Variants in RPS15A observed in about 807,000 individuals in gnomAD.
RPS15A encodes ribosomal protein S15a, also known as small ribosomal subunit protein uS8.
For missense variants in RPS15A, 62 were observed against 163.4 expected, an observed-to-expected ratio of 0.38 and a Z score of 3.38; for synonymous variants, 55 against 58.5, an observed-to-expected ratio of 0.94 and a Z score of 0.27.
At chr16:18,788,808 C>CT (rs2029953375) in intron 2 of RPS15A, 173 bp downstream of exon 2, 14 of 646,342 alleles carry the variant, frequency 2.2e-5, no homozygotes, top group South Asian at 1.2e-4. Context: ...CAGTCCTACT[C>CT]TAAGTGACTC....
rs568645996 is a variant in RPS15A, at chr16:18,784,891, A to C, written c.214-68T>G. ...AATAACAGAAAAACTGAGTAACACA[A>C]GATGACATTCATAAATAAACAGTCC... is the stretch of plus-strand genomic sequence containing the variant. On this transcript the variant is annotated intron_variant, in intron 3 of 4. Transcript: ENST00000322989. 26 of 1,267,390 alleles carry C rather than the reference A, an allele frequency of 2.1e-5. No individual in the cohort carries two copies. In the East Asian group the frequency reaches 5.6e-4, roughly 28 times the overall value. The allele number at this position is 1,267,390 out of a possible 1,614,324, so 78.5% of individuals were successfully genotyped here.
At chr16:18,784,569 G>A (rs1014945467) in intron 4 of RPS15A, 169 bp downstream of exon 4, 7 of 585,232 alleles carry the variant, frequency 1.2e-5, no homozygotes. Flanking sequence ...TTTAAAGAGA[G>A]AGAAAAGAAA....
intron 1 of RPS15A, 26 bp downstream of exon 1, chr16:18,790,193 ATCCTCGGCCAAGGTGGGGACCAGCC>A (rs1282116117): frequency 6.6e-6 from 1 of 152,506 alleles, no homozygotes; most frequent in Non-Finnish European, 1.5e-5. Context: ...CAAGGCCAGG[ATCCTCGGCCAAGGTGGGGACCAGCC>A]TCCTCGCAGG....
At chr16:18,789,618 TA>T (rs2029980956) in intron 1 of RPS15A, among the ~76,000 whole-genome samples, 1 of 152,204 alleles carries the variant, frequency 6.6e-6, no homozygotes, top group Non-Finnish European at 1.5e-5. Flanking sequence ...TGAACACATC[TA>T]ACTATTAAAC....
intron 2 of RPS15A, 48 bp from the exon 3 acceptor site, chr16:18,788,190 G>C (rs752717265): frequency 8.4e-7 from 1 of 1,186,624 alleles, no homozygotes. Context: ...CAACTTGAGA[G>C]CTAAACCTCT....
At chr16:18,784,406 C>A in intron 4 of RPS15A, 1 of 196,942 alleles carries the variant, frequency 5.1e-6, no homozygotes, top group Non-Finnish European at 1.0e-5. Context: ...TGCCACCAGG[C>A]CTGGCTAATT....
chr16:18,783,957 C>T, intron 4 of RPS15A: 1 of 285,586 alleles, frequency 3.5e-6, no homozygotes, highest in Non-Finnish European at 7.0e-6. Context: ...GATTCTGGCC[C>T]TCATCTGGGA....
rs749791519 is a variant in RPS15A at position 18,788,964 on chromosome 16, A to T, written c.133+17T>A. On this transcript the variant is annotated intron_variant, in intron 2 of 4. Transcript: ENST00000322989. The stretch of plus-strand genomic sequence containing the variant: ...AGTCTCACATGAAAACATAAAACAC[A>T]GCGGCAGCAGACTTACCATGCTTCA... The T allele has an allele frequency of 6.2e-7, 1 of 1,605,466 alleles. No individual in the cohort carries two copies. The highest frequency in any genetic ancestry group is 8.5e-7 in the Non-Finnish European group (1 of 1,176,996).
At chr16:18,783,861 C>T in intron 4 of RPS15A, 2 of 367,924 alleles carry the variant, frequency 5.4e-6, no homozygotes, top group South Asian at 4.1e-5. Flanking sequence ...GGCTTTAAAG[C>T]AGAAAAACAA....
chr16:18,783,804 CT>C (rs1904002781), intron 4 of RPS15A: 1 of 424,978 alleles, frequency 2.4e-6, no homozygotes. Context: ...ACTATTACCA[CT>C]TTTACGGATG....
intron 1 of RPS15A, 61 bp from the exon 2 acceptor site, chr16:18,789,179 C>T (rs2029969065): frequency 1.3e-6 from 2 of 1,499,496 alleles, no homozygotes; most frequent in African/African-American, 1.4e-5. Context: ...CAGACACCAA[C>T]CATTACACTG....
At chr16:18,788,812 G>C in intron 2 of RPS15A, 169 bp downstream of exon 2, 1 of 655,644 alleles carries the variant, frequency 1.5e-6, no homozygotes. Flanking sequence ...CCTACTCTAA[G>C]TGACTCTTCA....
At chr16:18,786,217 T>A in intron 3 of RPS15A, 1 of 218,636 alleles carries the variant, frequency 4.6e-6, no homozygotes, top group Non-Finnish European at 9.5e-6. Flanking sequence ...ATACAAAAAT[T>A]AGCCGGGCAT....
chr16:18,782,880 C>T lies in RPS15A; in HGVS notation c.*129G>A. On this transcript the variant is annotated 3_prime_UTR_variant, in exon 5 of 5. Transcript: ENST00000322989. ...ATTAGTCACTTCAGGGAATCGCATT[C>T]ACCGATAAACGAAGCAACTGCATGC... 1 of 612,358 alleles carries T rather than the reference C, an allele frequency of 1.6e-6. No individual in the cohort carries two copies. Among genetic ancestry groups the T allele is most frequent in the Non-Finnish European group, 2.9e-6 (1 of 347,080 alleles). The allele number at this position is 612,358 out of a possible 1,614,324, so 37.9% of individuals were successfully genotyped here.
intron 2 of RPS15A, chr16:18,788,770 A>G: frequency 1.9e-6 from 1 of 519,694 alleles, no homozygotes; most frequent in Non-Finnish European, 3.5e-6. Flanking sequence ...TTTAGCTCCC[A>G]AACACCTAGC....
At chr16:18,783,126 C>T (rs1193439534) in intron 4 of RPS15A, 24 bp from the exon 5 acceptor site, 1 of 1,513,304 alleles carries the variant, frequency 6.6e-7, no homozygotes, top group African/African-American at 1.4e-5. Flanking sequence ...AAAGAAAGTG[C>T]TGGTAAGTTT....
At chr16:18,788,900 T>TCC in intron 2 of RPS15A, 81 bp downstream of exon 2, 1 of 1,427,352 alleles carries the variant, frequency 7.0e-7, no homozygotes, top group Non-Finnish European at 9.6e-7. Context: ...CATACTTTGG[T>TCC]CCCCCATAAT....
At chr16:18,788,918 T>C in intron 2 of RPS15A, 63 bp downstream of exon 2, 1 of 1,549,084 alleles carries the variant, frequency 6.5e-7, no homozygotes, top group Non-Finnish European at 8.8e-7. Flanking sequence ...AATTAATTTC[T>C]ACAGGACTGA....
chr16:18,786,999 G>T (rs1175047721), intron 3 of RPS15A, among the ~76,000 whole-genome samples: 2 of 152,126 alleles, frequency 1.3e-5, no homozygotes, highest in Admixed American at 1.3e-4. Flanking sequence ...GGAGTACCTG[G>T]GATTACAAGC....
Sources: allele counts gnomAD v4.1 joint callset (sites outside exome capture counted in the v4.1 genomes callset), GRCh38; gene constraint gnomAD v4.1.1; transcripts MANE v1.5; gene names NCBI Gene and HGNC (gene_info 2026-07-23, HGNC 2026-07-21).